Variants in LRRC4C observed in about 807,000 individuals in gnomAD.
LRRC4C encodes leucine-rich repeat-containing protein 4C.
A neutral mutation model predicts 33.6 loss-of-function variants in LRRC4C; 5 were observed. The observed-to-expected ratio is 0.15, with a 90% CI of 0.08 to 0.31. LRRC4C has a LOEUF of 0.31. Ranked by LOEUF, LRRC4C falls within the 10% of genes least tolerant of loss-of-function variation. The pLI is 1.00. For synonymous variants in LRRC4C, 329 were observed against 302.0 expected (o/e 1.09, Z -0.93); for missense variants, 560 against 796.7 (o/e 0.70, Z 3.58).
intron 1 of LRRC4C, among the ~76,000 whole-genome samples, chr11:41,020,762 C>T (rs1378451348): frequency 6.6e-6 from 1 of 151,530 alleles, no homozygotes; most frequent in Admixed American, 6.6e-5. Flanking sequence ...TGTGCTTAAC[C>T]CTATCTCACT....
chr11:40,399,470 G>T (rs1426769578), intron 3 of LRRC4C, among the ~76,000 whole-genome samples: 2 of 151,914 alleles, frequency 1.3e-5, no homozygotes, highest in Admixed American at 6.6e-5. Context: ...ACTCATAGGT[G>T]GGAATTGAAC....
intron 1 of LRRC4C, among the ~76,000 whole-genome samples, chr11:41,427,646 A>C (rs994381581): frequency 6.6e-6 from 1 of 152,272 alleles, no homozygotes; most frequent in Non-Finnish European, 1.5e-5. Context: ...GGTGCTGTTT[A>C]AATACATGAG....
At chr11:40,444,940 G>A (rs1951563334) in intron 3 of LRRC4C, among the ~76,000 whole-genome samples, 1 of 152,172 alleles carries the variant, frequency 6.6e-6, no homozygotes, top group Non-Finnish European at 1.5e-5. Flanking sequence ...ATAGAGGTGG[G>A]AAGACCTCTC....
At chr11:41,382,266 C>T (rs1953185374) in intron 1 of LRRC4C, among the ~76,000 whole-genome samples, 1 of 151,852 alleles carries the variant, frequency 6.6e-6, no homozygotes, top group Non-Finnish European at 1.5e-5. Context: ...GTCGGCATTT[C>T]TAAAACAATC....
At chr11:41,183,832 CT>C (rs1480290629) in intron 1 of LRRC4C, among the ~76,000 whole-genome samples, 4 of 152,208 alleles carry the variant, frequency 2.6e-5, no homozygotes. Flanking sequence ...CTGCAGCAAA[CT>C]TTTGCCTGGA....
chr11:40,163,309 T>C (rs533665678), intron 5 of LRRC4C, among the ~76,000 whole-genome samples: 58 of 152,316 alleles, frequency 3.8e-4, no homozygotes, highest in Middle Eastern at 6.8e-3. Flanking sequence ...TTAGTAAAGA[T>C]TGCCTGTCTT....
At chr11:40,485,156 G>T (rs996061122) in intron 3 of LRRC4C, among the ~76,000 whole-genome samples, 11 of 151,940 alleles carry the variant, frequency 7.2e-5, no homozygotes, top group African/African-American at 2.7e-4. Flanking sequence ...GCTTAAAGAA[G>T]CATTTACTGG....
At chr11:41,373,882 G>C (rs1237233906) in intron 1 of LRRC4C, among the ~76,000 whole-genome samples, 1 of 152,170 alleles carries the variant, frequency 6.6e-6, no homozygotes, top group Non-Finnish European at 1.5e-5. Context: ...CCAATATTCA[G>C]TTAAATATTG....
chr11:40,428,331 T>C (rs1950792958), intron 3 of LRRC4C, among the ~76,000 whole-genome samples: 1 of 152,222 alleles, frequency 6.6e-6, no homozygotes, highest in African/African-American at 2.4e-5. Flanking sequence ...ATTTTATAAC[T>C]TTGCTAAAGA....
intron 3 of LRRC4C, among the ~76,000 whole-genome samples, chr11:40,385,891 T>TAAAA (rs1555041341): frequency 7.2e-6 from 1 of 138,826 alleles, no homozygotes; most frequent in Admixed American, 7.1e-5. Flanking sequence ...AATAAATAAA[T>TAAAA]AAAATAAAAT....
chr11:41,260,420 C>T lies in LRRC4C; in HGVS notation c.-496+199011G>A, dbSNP rs187784880. ...AAAGATAAAGAAATGAAATGAAGAT[C>T]GTCTCCGTCCATTCATGAAGATGAG... On this transcript the variant is annotated intron_variant, in intron 1 of 6. Transcript: ENST00000528697. Among the ~76,000 whole-genome samples the T allele has an allele frequency of 1.6e-4, 24 of 152,038 alleles. No individual in the cohort carries two copies. In the East Asian group the frequency reaches 4.3e-3, roughly 27 times the overall value.
intron 3 of LRRC4C, among the ~76,000 whole-genome samples, chr11:40,409,394 A>G (rs895808277): frequency 8.5e-5 from 13 of 152,058 alleles, no homozygotes; most frequent in African/African-American, 3.1e-4. Context: ...GACAAATTAA[A>G]TTACAGCAAA....
At chr11:40,632,990 C>T (rs1963595228) in intron 3 of LRRC4C, among the ~76,000 whole-genome samples, 1 of 152,162 alleles carries the variant, frequency 6.6e-6, no homozygotes, top group Admixed American at 6.5e-5. Flanking sequence ...AATGTAATCC[C>T]TTTATCTTTG....
At chr11:41,223,663 C>CA (rs752976957) in intron 1 of LRRC4C, among the ~76,000 whole-genome samples, 75 of 152,042 alleles carry the variant, frequency 4.9e-4, no homozygotes, top group Non-Finnish European at 9.4e-4. Context: ...AAAATAGCTA[C>CA]AAAAAAATGT....
chr11:40,875,704 AC>A, intron 2 of LRRC4C, among the ~76,000 whole-genome samples: 1 of 152,176 alleles, frequency 6.6e-6, no homozygotes, highest in Non-Finnish European at 1.5e-5. Flanking sequence ...GCAGTCCCAA[AC>A]CTTTTTGGCT....
chr11:40,876,173 G>A (rs6485235), intron 2 of LRRC4C, among the ~76,000 whole-genome samples: 144,823 of 151,624 alleles, frequency 0.96, 69,519 homozygotes, highest in Middle Eastern at 1. Flanking sequence ...TGCGATCTCA[G>A]GCAGTTGATC....
chr11:40,709,713 TC>T (rs1268786439), intron 2 of LRRC4C, among the ~76,000 whole-genome samples: 1 of 152,080 alleles, frequency 6.6e-6, no homozygotes, highest in East Asian at 1.9e-4. Context: ...TCTCTGTATT[TC>T]CTGAATTTGA....
intron 5 of LRRC4C, among the ~76,000 whole-genome samples, chr11:40,226,326 A>G (rs1023719675): frequency 6.6e-6 from 1 of 152,178 alleles, no homozygotes; most frequent in African/African-American, 2.4e-5. Flanking sequence ...CTATACAGAA[A>G]GGCTCTATAT....
At chr11:40,368,825 T>C (rs1948327199) in intron 3 of LRRC4C, among the ~76,000 whole-genome samples, 1 of 152,136 alleles carries the variant, frequency 6.6e-6, no homozygotes, top group Non-Finnish European at 1.5e-5. Flanking sequence ...ATTTCAAATG[T>C]GTTCTATCAT....
Sources: allele counts gnomAD v4.1 joint callset (sites outside exome capture counted in the v4.1 genomes callset), GRCh38; gene constraint gnomAD v4.1.1; transcripts MANE v1.5; gene names NCBI Gene and HGNC (gene_info 2026-07-23, HGNC 2026-07-21).